The following SKAP1 variants were observed in gnomAD, a reference collection of about 807,000 sequenced individuals.
SKAP1 encodes the protein src kinase-associated phosphoprotein 1.
Under a neutral mutation model 58.5 loss-of-function variants are expected in SKAP1, and 44 were observed. That is an observed-to-expected ratio of 0.75 (90% CI 0.59 to 0.97). The LOEUF (loss-of-function observed/expected upper bound fraction) is 0.97. SKAP1 is among the 50% of genes least tolerant of loss of function. SKAP1 has a pLI of 0.00. For synonymous variants in SKAP1, 127 were observed against 149.7 expected, an observed-to-expected ratio of 0.85 and a Z score of 1.11; for missense variants, 390 against 435.2, an observed-to-expected ratio of 0.90 and a Z score of 0.92.
intron 4 of SKAP1, among the ~76,000 whole-genome samples, chr17:48,200,554 T>C (rs2064714656): frequency 6.6e-6 from 1 of 152,066 alleles, no homozygotes; most frequent in Admixed American, 6.5e-5. Flanking sequence ...ATTTTTGTAT[T>C]TTTAGTAGAG....
chr17:48,160,816 C>G (rs889704496), intron 11 of SKAP1, among the ~76,000 whole-genome samples: 1 of 152,204 alleles, frequency 6.6e-6, no homozygotes, highest in Non-Finnish European at 1.5e-5. Flanking sequence ...GTGGATAACT[C>G]GATTACCCCT....
At chr17:48,427,976 A>G (rs1255435376) in intron 1 of SKAP1, among the ~76,000 whole-genome samples, 1 of 152,228 alleles carries the variant, frequency 6.6e-6, no homozygotes, top group Non-Finnish European at 1.5e-5. Context: ...GGTTTCTAAT[A>G]TGGACAGATT....
At chr17:48,264,789 A>C (rs2065525341) in intron 4 of SKAP1, among the ~76,000 whole-genome samples, 2 of 118,350 alleles carry the variant, frequency 1.7e-5, no homozygotes, top group Admixed American at 8.6e-5. Flanking sequence ...CACACCCTCC[A>C]TCTCCATTTT....
chr17:48,404,728 A>G (rs542181024), intron 1 of SKAP1, among the ~76,000 whole-genome samples: 8 of 152,192 alleles, frequency 5.3e-5, no homozygotes, highest in African/African-American at 1.9e-4. Flanking sequence ...AATAGCATAA[A>G]AGTGGAACTC....
At chr17:48,177,469 G>A (rs1204669678) in intron 9 of SKAP1, among the ~76,000 whole-genome samples, 4 of 152,096 alleles carry the variant, frequency 2.6e-5, no homozygotes, top group East Asian at 1.9e-4. Context: ...CAGACAGAGA[G>A]GGCAAGTAAC....
intron 9 of SKAP1, among the ~76,000 whole-genome samples, chr17:48,176,054 A>G (rs1212374090): frequency 6.6e-6 from 1 of 152,192 alleles, no homozygotes; most frequent in Non-Finnish European, 1.5e-5. Flanking sequence ...ACAACTGTAC[A>G]GGGGGAAAAA....
At chr17:48,427,187 T>C (rs1193546022) in intron 1 of SKAP1, among the ~76,000 whole-genome samples, 1 of 152,236 alleles carries the variant, frequency 6.6e-6, no homozygotes, top group Non-Finnish European at 1.5e-5. Flanking sequence ...CAAATATTTA[T>C]AACATATGTG....
chr17:48,318,416 AGACT>A (rs1291619890), intron 4 of SKAP1, among the ~76,000 whole-genome samples: 1 of 152,340 alleles, frequency 6.6e-6, no homozygotes, highest in African/African-American at 2.4e-5. Flanking sequence ...AATTACATCA[AGACT>A]GATATTTTCA....
At chr17:48,243,890 A>G (rs1174749007) in intron 4 of SKAP1, among the ~76,000 whole-genome samples, 1 of 152,224 alleles carries the variant, frequency 6.6e-6, no homozygotes, top group Admixed American at 6.5e-5. Context: ...TTACATGTAC[A>G]TAGATTTTGA....
rs577096896 is a variant in SKAP1, at chr17:48,159,236, G to A, written c.978+3233C>T. Among the ~76,000 whole-genome samples, 5 of 152,308 alleles carry A rather than the reference G, an allele frequency of 3.3e-5. No homozygotes were observed. In the South Asian group the frequency reaches 1.0e-3, roughly 32 times the overall value. ...GTAATTAAGGCTAAAACACATTTTTGTGTGGAACTTCTTTAGCAGTTTTGC... is the reference window on the plus strand; with the variant it reads ...GTAATTAAGGCTAAAACACATTTTTATGTGGAACTTCTTTAGCAGTTTTGC... On this transcript the variant is annotated intron_variant, in intron 11 of 12. Coordinates refer to ENST00000336915, the MANE Select transcript of SKAP1 (RefSeq NM_003726.4).
chr17:48,149,343 G>C (rs1232423611), intron 11 of SKAP1, among the ~76,000 whole-genome samples: 1 of 152,148 alleles, frequency 6.6e-6, no homozygotes, highest in African/African-American at 2.4e-5. Context: ...GGTGGGTTTT[G>C]GAGAAAGAGG....
intron 4 of SKAP1, among the ~76,000 whole-genome samples, chr17:48,328,268 T>C (rs1256888809): frequency 6.6e-6 from 1 of 152,226 alleles, no homozygotes; most frequent in African/African-American, 2.4e-5. Context: ...GTGTACAAAT[T>C]CGTGACAGCA....
At chr17:48,303,830 G>C (rs1598540145) in intron 4 of SKAP1, among the ~76,000 whole-genome samples, 1 of 152,140 alleles carries the variant, frequency 6.6e-6, no homozygotes, top group East Asian at 1.9e-4. Context: ...TGCTATCTAT[G>C]AAATAAACTG....
intron 4 of SKAP1, among the ~76,000 whole-genome samples, chr17:48,251,314 A>G (rs1366722193): frequency 6.6e-6 from 1 of 152,234 alleles, no homozygotes; most frequent in Non-Finnish European, 1.5e-5. Context: ...GGTTAAAACC[A>G]AGTATATAGA....
intron 11 of SKAP1, among the ~76,000 whole-genome samples, chr17:48,143,849 T>C (rs1187699346): frequency 6.6e-6 from 1 of 152,180 alleles, no homozygotes; most frequent in Non-Finnish European, 1.5e-5. Context: ...CGCTCCTAAC[T>C]TTGACTAACA....
At chr17:48,310,134 T>C (rs551894497) in intron 4 of SKAP1, among the ~76,000 whole-genome samples, 228 of 152,362 alleles carry the variant, frequency 1.5e-3, no homozygotes, top group Middle Eastern at 3.4e-3. Context: ...TTAGCAACTC[T>C]TTCTTTTATG....
intron 4 of SKAP1, among the ~76,000 whole-genome samples, chr17:48,242,733 T>C (rs1380264515): frequency 1.3e-5 from 2 of 152,320 alleles, no homozygotes; most frequent in East Asian, 3.9e-4. Context: ...TGAACCTTTG[T>C]TAATAGGAAG....
chr17:48,207,971 T>C (rs1292261023), intron 4 of SKAP1, among the ~76,000 whole-genome samples: 1 of 152,210 alleles, frequency 6.6e-6, no homozygotes, highest in East Asian at 1.9e-4. Flanking sequence ...AGCACAGACA[T>C]GATTTTAATT....
intron 4 of SKAP1, among the ~76,000 whole-genome samples, chr17:48,343,043 A>G (rs943027995): frequency 6.6e-6 from 1 of 152,154 alleles, no homozygotes; most frequent in Non-Finnish European, 1.5e-5. Flanking sequence ...TAATTGACTT[A>G]GCTATCTATA....
Sources: gnomAD v4.1 joint callset for allele counts (sites outside exome capture counted in the v4.1 genomes callset) on GRCh38, gnomAD v4.1.1 for gene constraint, MANE v1.5 for transcripts, NCBI Gene and HGNC (gene_info 2026-07-23, HGNC 2026-07-21) for gene names.